TMEM132D: variants seen among roughly 807,000 people sequenced by gnomAD.
The protein encoded by TMEM132D is transmembrane protein 132D.
TMEM132D carries 21 observed loss-of-function variants against 62.3 expected under a neutral mutation model. The ratio of observed to expected loss-of-function variants is 0.34; its 90% CI spans 0.24 to 0.49. The LOEUF (loss-of-function observed/expected upper bound fraction) is 0.49, where lower values mean the gene tolerates loss of function less well. TMEM132D is among the 20% of genes least tolerant of loss of function. The pLI is 0.99. For missense variants in TMEM132D, 1,346 were observed against 1,402.8 expected, an observed-to-expected ratio of 0.96 and a Z score of 0.65; for synonymous variants, 621 against 575.6, an observed-to-expected ratio of 1.08 and a Z score of -1.13.
intron 2 of TMEM132D, among the ~76,000 whole-genome samples, chr12:129,611,264 G>A (rs1878767330): frequency 2.0e-5 from 3 of 152,144 alleles, no homozygotes; most frequent in Admixed American, 2.0e-4. Context: ...ACATGGAAAG[G>A]GGACCTAACT....
At chr12:129,821,768 T>C (rs1344525918) in intron 1 of TMEM132D, among the ~76,000 whole-genome samples, 1 of 152,086 alleles carries the variant, frequency 6.6e-6, no homozygotes, top group East Asian at 1.9e-4. Flanking sequence ...GTCTGTGGGC[T>C]GGGGGAAAAG....
intron 2 of TMEM132D, among the ~76,000 whole-genome samples, chr12:129,567,547 A>T: frequency 6.6e-6 from 1 of 152,278 alleles, no homozygotes; most frequent in Non-Finnish European, 1.5e-5. Flanking sequence ...CAATAAAAAC[A>T]TTATTGCTAC....
At chr12:129,417,037 T>C (rs570130430) in intron 3 of TMEM132D, among the ~76,000 whole-genome samples, 1 of 152,220 alleles carries the variant, frequency 6.6e-6, no homozygotes, top group Non-Finnish European at 1.5e-5. Flanking sequence ...TGCCAGGTTT[T>C]GGTATCAGAA....
chr12:129,464,182 T>C (rs1325348136), intron 3 of TMEM132D, among the ~76,000 whole-genome samples: 1 of 151,596 alleles, frequency 6.6e-6, no homozygotes, highest in Non-Finnish European at 1.5e-5. Context: ...TGGTGTGAGA[T>C]GGTATCTCAT....
chr12:129,291,232 C>T (rs573563800), intron 4 of TMEM132D, among the ~76,000 whole-genome samples: 11 of 152,268 alleles, frequency 7.2e-5, no homozygotes, highest in African/African-American at 2.6e-4. Context: ...AATTTTAATG[C>T]ATGCTAATAG....
chr12:129,369,948 C>T (rs1450943008), intron 3 of TMEM132D, among the ~76,000 whole-genome samples: 2 of 152,178 alleles, frequency 1.3e-5, no homozygotes, highest in African/African-American at 2.4e-5. Flanking sequence ...AGGTGGGTCA[C>T]ACAGTGGGAG....
At chr12:129,740,080 CCATT>C (rs1381034788) in intron 1 of TMEM132D, among the ~76,000 whole-genome samples, 1 of 152,112 alleles carries the variant, frequency 6.6e-6, no homozygotes, top group Non-Finnish European at 1.5e-5. Context: ...CCTCAGTATC[CCATT>C]CTCTTTCCCA....
chr12:129,581,988 G>A (rs1398612418), intron 2 of TMEM132D, among the ~76,000 whole-genome samples: 1 of 152,194 alleles, frequency 6.6e-6, no homozygotes, highest in Non-Finnish European at 1.5e-5. Flanking sequence ...ACTACCCACA[G>A]CATGTTTAAC....
intron 1 of TMEM132D, among the ~76,000 whole-genome samples, chr12:129,727,680 C>A (rs1024936230): frequency 1.1e-4 from 17 of 152,094 alleles, no homozygotes; most frequent in African/African-American, 3.9e-4. Context: ...TGCTAAGATC[C>A]AGTTACCCAG....
chr12:129,359,075 T>C (rs1461256509), intron 3 of TMEM132D, among the ~76,000 whole-genome samples: 2 of 152,254 alleles, frequency 1.3e-5, no homozygotes, highest in African/African-American at 2.4e-5. Flanking sequence ...ATCCACATGA[T>C]GGCATATTAT....
chr12:129,219,114 T>G (rs913138972), intron 4 of TMEM132D, among the ~76,000 whole-genome samples: 8 of 152,084 alleles, frequency 5.3e-5, no homozygotes, highest in African/African-American at 1.9e-4. Flanking sequence ...TCAGGTGATA[T>G]GGTTTGGCTC....
intron 3 of TMEM132D, among the ~76,000 whole-genome samples, chr12:129,354,066 A>G (rs1869956943): frequency 6.6e-6 from 1 of 152,076 alleles, no homozygotes; most frequent in Non-Finnish European, 1.5e-5. Flanking sequence ...ACTGTTGGCC[A>G]TAAGCAACAG....
At chr12:129,257,453 C>T (rs1194486732) in intron 4 of TMEM132D, among the ~76,000 whole-genome samples, 1 of 152,150 alleles carries the variant, frequency 6.6e-6, no homozygotes, top group Non-Finnish European at 1.5e-5. Context: ...TCGTGATCTG[C>T]CCGCCTCGGC....
chr12:129,236,514 C>CAAAAAAAAAAAAAAA (rs60745384), intron 4 of TMEM132D, among the ~76,000 whole-genome samples: 12 of 66,998 alleles, frequency 1.8e-4, no homozygotes, highest in African/African-American at 5.5e-4. Context: ...GACTCCATCT[C>CAAAAAAAAAAAAAAA]AAAAAAAAAA....
Position 129,903,118 on chromosome 12 carries a change from CGCGCACACACACATGCACACAA to C in TMEM132D, c.79+121_79+142del, listed in dbSNP as rs1309487978. 3.4e-6 allele frequency: 3 copies of C among 891,202 alleles called. No homozygotes were observed. The African/African-American group carries it at 5.0e-5, about 15-fold the overall frequency. 55.2% of individuals were successfully genotyped at this position (891,202 alleles called of 1,614,324 possible). A position where few individuals can be genotyped will look rare whatever the true frequency, so the allele number is the denominator to read the frequency against. ...TGCCGCACGAGCGCACGTTCACACG[CGCGCACACACACATGCACACAA>C]GCGCGCACACACACTTGCACACGAG... is the stretch of plus-strand genomic sequence containing the variant. On this transcript the variant is annotated intron_variant, in intron 1 of 8. Transcript: ENST00000422113. This position sits in a 1 kb window ranked among gnomAD's most constrained non-coding sequence, Gnocchi z 6.2.
intron 5 of TMEM132D, among the ~76,000 whole-genome samples, chr12:129,175,463 A>G (rs1877877342): frequency 6.6e-6 from 1 of 152,208 alleles, no homozygotes; most frequent in Non-Finnish European, 1.5e-5. Flanking sequence ...TTAAGTGAAA[A>G]GGTTGTAAGA....
chr12:129,349,608 T>A (rs1362316252), intron 3 of TMEM132D, among the ~76,000 whole-genome samples: 1 of 152,166 alleles, frequency 6.6e-6, no homozygotes, highest in Non-Finnish European at 1.5e-5. Flanking sequence ...ATAATCCAAA[T>A]AACCAACCTT....
chr12:129,551,262 G>T (rs1876887050), intron 2 of TMEM132D, among the ~76,000 whole-genome samples: 1 of 152,242 alleles, frequency 6.6e-6, no homozygotes, highest in South Asian at 2.1e-4. Flanking sequence ...GAAAATGGTG[G>T]TTGTTTAGAG....
intron 4 of TMEM132D, among the ~76,000 whole-genome samples, chr12:129,223,615 T>C (rs897165606): frequency 2.6e-5 from 4 of 152,208 alleles, no homozygotes; most frequent in African/African-American, 9.6e-5. Context: ...TATGGTTTGC[T>C]GGTTTCTTGT....
Sources: gnomAD v4.1 joint callset for allele counts (sites outside exome capture counted in the v4.1 genomes callset) on GRCh38, gnomAD v4.1.1 for gene constraint, Gnocchi (gnomAD v3.1) non-coding constraint, MANE v1.5 for transcripts, NCBI Gene and HGNC (gene_info 2026-07-23, HGNC 2026-07-21) for gene names.